CCDC88A: variants seen among roughly 807,000 people sequenced by gnomAD.
CCDC88A encodes the protein coiled-coil and HOOK domain protein 88A.
In CCDC88A, 54 loss-of-function variants were observed where a neutral mutation model predicts 234.3. The observed-to-expected ratio is 0.23, with a 90% CI of 0.19 to 0.29. CCDC88A has a LOEUF of 0.29. Among genes scored for constraint, CCDC88A ranks in the 10% least tolerant of loss-of-function variants. The probability of loss-of-function intolerance (pLI) is 1.00; values close to 1 mark genes in which losing one functional copy is unlikely to be tolerated. For synonymous variants in CCDC88A, 753 were observed against 737.8 expected (o/e 1.02, Z -0.33); for missense variants, 1,832 against 2,123.4 (o/e 0.86, Z 2.70).
chr2:55,415,331 C>T (rs922388764), intron 2 of CCDC88A, among the ~76,000 whole-genome samples: 4 of 152,046 alleles, frequency 2.6e-5, no homozygotes, highest in Non-Finnish European at 5.9e-5. Flanking sequence ...AGTATACAAA[C>T]ATATTTCTAC....
intron 8 of CCDC88A, 137 bp from the exon 9 acceptor site, chr2:55,349,736 A>G (rs1029815560): frequency 5.5e-4 from 261 of 476,620 alleles, no homozygotes; most frequent in East Asian, 1.3e-3. Context: ...CTAGAAGATA[A>G]AAAAAAAAAG....
intron 3 of CCDC88A, among the ~76,000 whole-genome samples, chr2:55,382,123 T>C (rs1674698510): frequency 6.6e-6 from 1 of 152,188 alleles, no homozygotes; most frequent in Non-Finnish European, 1.5e-5. Context: ...AAAACATTTG[T>C]TTTATAACAC....
At chr2:55,370,039 T>A (rs1385208728) in intron 5 of CCDC88A, among the ~76,000 whole-genome samples, 1 of 152,150 alleles carries the variant, frequency 6.6e-6, no homozygotes, top group Non-Finnish European at 1.5e-5. Flanking sequence ...AATGATAACA[T>A]TTTTCAAAAT....
intron 3 of CCDC88A, among the ~76,000 whole-genome samples, chr2:55,377,671 A>G (rs1263718298): frequency 3.3e-5 from 5 of 152,010 alleles, no homozygotes; most frequent in Non-Finnish European, 7.4e-5. Context: ...GTGCAATGGC[A>G]TCATCTCGGT....
Position 55,317,869 on chromosome 2 carries a change from A to G in CCDC88A, c.3325-28T>C. On this transcript the variant is annotated intron_variant, in intron 19 of 32. Transcript: ENST00000436346. This position sits in a 1 kb window ranked among gnomAD's most constrained non-coding sequence, Gnocchi z 4.2. ...ATAAGAATATATATTGTTATCAGAC[A>G]TAAGAAAAACAGTTCATGTTCTTTT... The G allele has an allele frequency of 4.1e-6, 6 of 1,454,250 alleles. No individual in the cohort carries two copies. Among genetic ancestry groups the G allele is most frequent in the Non-Finnish European group, 5.6e-6 (6 of 1,070,862 alleles). The allele number at this position is 1,454,250 out of a possible 1,614,324, so 90.1% of individuals were successfully genotyped here.
chr2:55,303,748 A>C (rs1200568187), intron 25 of CCDC88A, among the ~76,000 whole-genome samples: 1 of 152,178 alleles, frequency 6.6e-6, no homozygotes, highest in South Asian at 2.1e-4. Context: ...GATTAGAATT[A>C]TTTATGCAGG....
intron 2 of CCDC88A, chr2:55,417,617 A>G (rs970412481): frequency 3.3e-5 from 5 of 152,014 alleles, no homozygotes. Context: ...GCCTATGAAA[A>G]CAAAACACTG....
At chr2:55,396,569 G>A (rs1677595698) in intron 2 of CCDC88A, among the ~76,000 whole-genome samples, 1 of 151,804 alleles carries the variant, frequency 6.6e-6, no homozygotes, top group African/African-American at 2.4e-5. Context: ...AGAAAAGTCT[G>A]ACTTAAAAAA....
At chr2:55,363,753 G>T (rs1259354715) in intron 6 of CCDC88A, 197 bp downstream of exon 6, 3 of 441,798 alleles carry the variant, frequency 6.8e-6, no homozygotes, top group Non-Finnish European at 1.2e-5. Context: ...AAAGGCAAGA[G>T]TATATTTGTA....
At chr2:55,326,544 A>G (rs935042789) in intron 17 of CCDC88A, among the ~76,000 whole-genome samples, 1 of 152,178 alleles carries the variant, frequency 6.6e-6, no homozygotes, top group African/African-American at 2.4e-5. Context: ...AGTTATGTCC[A>G]AATAGCTGAA....
intron 25 of CCDC88A, among the ~76,000 whole-genome samples, chr2:55,303,449 A>G (rs1001290309): frequency 1.3e-5 from 2 of 150,478 alleles, no homozygotes; most frequent in East Asian, 1.9e-4. Context: ...CTGGAGTGCA[A>G]TGGCACGATC....
chr2:55,393,289 GTTTTTTTTTT>G (rs558827055), intron 2 of CCDC88A, among the ~76,000 whole-genome samples: 5 of 61,658 alleles, frequency 8.1e-5, no homozygotes, highest in Admixed American at 5.8e-4. Context: ...GGTTTTTTGG[GTTTTTTTTTT>G]TTTTTTTTTT....
intron 25 of CCDC88A, among the ~76,000 whole-genome samples, chr2:55,305,025 T>G (rs1308023129): frequency 6.6e-6 from 1 of 152,224 alleles, no homozygotes; most frequent in Non-Finnish European, 1.5e-5. Flanking sequence ...TCATTTAAGC[T>G]TTTAGTTTGA....
intron 5 of CCDC88A, among the ~76,000 whole-genome samples, chr2:55,371,172 G>C (rs1384624871): frequency 6.6e-6 from 1 of 152,054 alleles, no homozygotes; most frequent in Non-Finnish European, 1.5e-5. Context: ...AGCAAATATA[G>C]TACATAAAGG....
chr2:55,413,510 T>C (rs1294238394), intron 2 of CCDC88A, among the ~76,000 whole-genome samples: 3 of 152,192 alleles, frequency 2.0e-5, no homozygotes, highest in East Asian at 3.9e-4. Context: ...TCTATGTCTA[T>C]CTGACATAAG....
chr2:55,364,687 G>C (rs1050472061), intron 5 of CCDC88A, among the ~76,000 whole-genome samples: 1 of 152,004 alleles, frequency 6.6e-6, no homozygotes. Context: ...ATGGAATAAA[G>C]GGGGTAATTC....
intron 3 of CCDC88A, among the ~76,000 whole-genome samples, chr2:55,385,391 G>C (rs1313801326): frequency 6.6e-6 from 1 of 152,138 alleles, no homozygotes; most frequent in African/African-American, 2.4e-5. Context: ...TAGTAAATTA[G>C]AGAGTTCTGA....
intron 2 of CCDC88A, among the ~76,000 whole-genome samples, chr2:55,398,679 A>G (rs1413267626): frequency 6.6e-6 from 1 of 151,632 alleles, no homozygotes; most frequent in African/African-American, 2.4e-5. Context: ...TTGGAAGGCC[A>G]AAGCAAGAGG....
intron 4 of CCDC88A, among the ~76,000 whole-genome samples, 163 bp from the exon 5 acceptor site, chr2:55,372,673 A>G (rs1487015152): frequency 6.6e-6 from 1 of 152,218 alleles, no homozygotes; most frequent in Non-Finnish European, 1.5e-5. Flanking sequence ...GTGTATGTAC[A>G]CGGTGGTAAC....
Sources: allele counts gnomAD v4.1 joint callset (sites outside exome capture counted in the v4.1 genomes callset), GRCh38; gene constraint gnomAD v4.1.1; non-coding constraint Gnocchi (gnomAD v3.1); transcripts MANE v1.5; gene names NCBI Gene and HGNC (gene_info 2026-07-23, HGNC 2026-07-21).